The following GPRIN1 variants were observed in gnomAD, a reference collection of about 807,000 sequenced individuals.
GPRIN1 encodes the protein G protein-regulated inducer of neurite outgrowth 1.
GPRIN1 carries 4 observed loss-of-function variants against 2.8 expected under a neutral mutation model. The observed-to-expected ratio is 1.45, with a 90% CI of 0.71 to 3.32. GPRIN1 has a LOEUF of 3.32. Among genes scored for constraint, GPRIN1 ranks in the 30% most tolerant of loss-of-function variants. The pLI is 0.01. For synonymous variants in GPRIN1, 589 were observed against 589.9 expected (o/e 1.00, Z 0.02); for missense variants, 1,322 against 1,343.4 (o/e 0.98, Z 0.25).
At chr5:176,601,645 A>G (rs1759149244) in intron 1 of GPRIN1, among the ~76,000 whole-genome samples, 1 of 152,090 alleles carries the variant, frequency 6.6e-6, no homozygotes, top group Non-Finnish European at 1.5e-5. Flanking sequence ...AGCTGGGCCT[A>G]CAAGCAACCC....
At position 176,602,571 on chromosome 5, in the gene GPRIN1, C is replaced by T. The variant is rs193066700; in HGVS notation, c.-43-2694G>A. Among the ~76,000 whole-genome samples the T allele has an allele frequency of 6.6e-6, 1 of 152,190 alleles. No individual in the cohort carries two copies. The highest frequency in any genetic ancestry group is 1.9e-4 in the East Asian group (1 of 5,184). On this transcript the variant is annotated intron_variant, in intron 1 of 1. Transcript: ENST00000303991. The surrounding 1 kb of genome is among the most constrained non-coding windows in gnomAD (Gnocchi z 4.4). ...GGCTCAAAACCCTCCTCATTCTTGC[C>T]GGAAATGTAAATTAGTTGTAATCTT...
intron 1 of GPRIN1, among the ~76,000 whole-genome samples, chr5:176,604,266 G>A (rs545073161): frequency 1.8e-3 from 278 of 152,348 alleles, no homozygotes; most frequent in Non-Finnish European, 3.0e-3. Flanking sequence ...TACCATCTGA[G>A]CCAGCCATGA....
chr5:176,609,155 G>A (rs925152229), intron 1 of GPRIN1, among the ~76,000 whole-genome samples: 9 of 152,226 alleles, frequency 5.9e-5, no homozygotes, highest in Non-Finnish European at 1.0e-4. Context: ...CAGAGTGTGT[G>A]TGTAAGAGGG....
At position 176,605,851 on chromosome 5, in the gene GPRIN1, G is replaced by A. The variant is rs182644294; in HGVS notation, c.-44+4148C>T. On this transcript the variant is annotated intron_variant, in intron 1 of 1. Transcript: ENST00000303991. ...AGAGAGAGAAAGGGCCCAGGCTCCAGTGAGGGCCAGGATCTGCCTACCATG... is the reference window on the plus strand; with the variant it reads ...AGAGAGAGAAAGGGCCCAGGCTCCAATGAGGGCCAGGATCTGCCTACCATG... Among the ~76,000 whole-genome samples the A allele has an allele frequency of 8.5e-5, 13 of 152,238 alleles. No homozygotes were observed. In the East Asian group the frequency reaches 2.3e-3, roughly 27 times the overall value.
At position 176,599,659 on chromosome 5, in the gene GPRIN1, T is replaced by TGCCTGGGGGGTGC; in HGVS notation, c.163_175dup (p.His59ArgfsTer8). The TGCCTGGGGGGTGC allele has an allele frequency of 6.4e-7, 1 of 1,557,072 alleles. No homozygotes were observed. Among genetic ancestry groups the TGCCTGGGGGGTGC allele is most frequent in the African/African-American group, 1.4e-5 (1 of 72,880 alleles). On this transcript the variant is annotated frameshift_variant, in exon 2 of 2. Coordinates refer to ENST00000303991, the MANE Select transcript of GPRIN1 (RefSeq NM_052899.3). LOFTEE classifies it low-confidence loss of function (END_TRUNC). ...CATGCCTGGGCTTTGGTCAGGGGTGTGCCTGGGGGGTGCAGGGCTTGCCTT... is the reference window on the plus strand; with the variant it reads ...CATGCCTGGGCTTTGGTCAGGGGTGTGCCTGGGGGGTGCGCCTGGGGGGTGCAGGGCTTGCCTT...
chr5:176,607,743 T>G (rs1759242052), intron 1 of GPRIN1, among the ~76,000 whole-genome samples: 1 of 151,572 alleles, frequency 6.6e-6, no homozygotes, highest in Non-Finnish European at 1.5e-5. Context: ...GGGAGAAGAC[T>G]TGACCAAGGG....
rs748077164 is a variant in GPRIN1 at position 176,597,549 on chromosome 5, A to ACTGGAGGCCTCGGTG, written c.2271_2285dup (p.Thr758_Ser762dup). 6 of 1,555,386 alleles carry ACTGGAGGCCTCGGTG rather than the reference A, an allele frequency of 3.9e-6. No homozygotes were observed. The highest frequency in any genetic ancestry group is 2.6e-6 in the Non-Finnish European group (3 of 1,155,384). On this transcript the variant is annotated inframe_insertion, in exon 2 of 2. Coordinates refer to ENST00000303991, the MANE Select transcript of GPRIN1 (RefSeq NM_052899.3). The surrounding 1 kb of genome is among the most constrained non-coding windows in gnomAD (Gnocchi z 6.1). Reference sequence around the variant, plus strand: ...CGGCTTCCAGGTCTTTCTGGCCGAGACTGGAGGCCTCGGTGCTGGACACGG... The same window carrying ACTGGAGGCCTCGGTG: ...CGGCTTCCAGGTCTTTCTGGCCGAGACTGGAGGCCTCGGTGCTGGAGGCCTCGGTGCTGGACACGG...
At chr5:176,608,372 G>A (rs1759257079) in intron 1 of GPRIN1, among the ~76,000 whole-genome samples, 1 of 152,178 alleles carries the variant, frequency 6.6e-6, no homozygotes, top group South Asian at 2.1e-4. Flanking sequence ...CACACCCTAT[G>A]AGCAGATGAG....
intron 1 of GPRIN1, 44 bp from the exon 2 acceptor site, chr5:176,599,921 G>T (rs756591674): frequency 7.2e-6 from 9 of 1,243,938 alleles, no homozygotes; most frequent in Non-Finnish European, 9.4e-6. Flanking sequence ...AAAGCTCAGT[G>T]GGGGAGGAGA....
chr5:176,598,215 T>A lies in GPRIN1; in HGVS notation c.1620A>T (p.Ser540=), dbSNP rs779367172. The change falls in exon 2 of 2, where the codon TCA becomes TCT. Residue 540 remains serine (S), a synonymous_variant. Transcript: ENST00000303991. ...CCACCGCGAGGGGCTCGGCCTTCCC[T>A]GAGGCTGTGGGAGCCGCCTTTCCAG... is the stretch of plus-strand genomic sequence containing the variant. ...VASGKAAPTA[S]GKAEPLAVGK... is the part of the protein sequence containing the mutation. 1 of 1,612,590 alleles carries A rather than the reference T, an allele frequency of 6.2e-7. No individual in the cohort carries two copies. The highest frequency in any genetic ancestry group is 8.5e-7 in the Non-Finnish European group (1 of 1,179,944).
intron 1 of GPRIN1, 101 bp from the exon 2 acceptor site, chr5:176,599,978 C>T (rs556636440): frequency 1.4e-6 from 1 of 720,350 alleles, no homozygotes; most frequent in Non-Finnish European, 2.0e-6. Flanking sequence ...CCATCTGGTC[C>T]CCACCTGTCC....
chr5:176,597,018 C>T lies in GPRIN1; in HGVS notation c.2817G>A (p.Gln939=). 1 of 1,477,522 alleles carries T rather than the reference C, an allele frequency of 6.8e-7. No homozygotes were observed. Among genetic ancestry groups the T allele is most frequent in the Non-Finnish European group, 9.0e-7 (1 of 1,109,352 alleles). 91.5% of individuals were successfully genotyped at this position (1,477,522 alleles called of 1,614,324 possible). A position where few individuals can be genotyped will look rare whatever the true frequency, so the allele number is the denominator to read the frequency against. Residue 939 remains glutamine (Q), a synonymous_variant, in exon 2 of 2, where the codon CAG becomes CAA. Transcript: ENST00000303991. The surrounding 1 kb of genome is among the most constrained non-coding windows in gnomAD (Gnocchi z 6.1). ...MEVEVLGMAI[Q]KHLERQIEEH... ...CCTCGATCTGTCGCTCCAGATGCTT[C>T]TGGATGGCCATGCCCAGCACCTCCA...
Position 176,596,634 on chromosome 5 carries a change from G to A in GPRIN1, c.*174C>T, listed in dbSNP as rs1197932257. ...TGGCCACGAGGGAGCTTGGTAGAAG[G>A]GGTTCTTCTGTATTTGTGATGGGAG... is the stretch of plus-strand genomic sequence containing the variant. On this transcript the variant is annotated 3_prime_UTR_variant, in exon 2 of 2. Coordinates refer to ENST00000303991, the MANE Select transcript of GPRIN1 (RefSeq NM_052899.3). The surrounding 1 kb of genome is among the most constrained non-coding windows in gnomAD (Gnocchi z 5.2). 2.2e-6 allele frequency: 1 copy of A among 446,714 alleles called. No homozygotes were observed. Among genetic ancestry groups the A allele is most frequent in the Non-Finnish European group, 3.4e-6 (1 of 292,884 alleles). 27.7% of individuals were successfully genotyped at this position (446,714 alleles called of 1,614,324 possible).
Position 176,598,939 on chromosome 5 carries a change from G to A in GPRIN1, c.896C>T (p.Pro299Leu). The part of the protein sequence containing the change: ...RDPGPSGKAD[P>L]MPLESMDSAS... The stretch of plus-strand genomic sequence containing the variant: ...AGAATCCATGCTTTCCAAGGGCATG[G>A]GATCTGCCTTTCCCGAGGGCCCAGG... Residue 299 changes from proline (P) to leucine (L), a missense_variant, in exon 2 of 2, where the codon CCC becomes CTC. By Grantham distance (98) the Pro-to-Leu change is moderately conservative. This residue lies in a region of GPRIN1 where 1,117 missense variants were observed against 1,128.6 expected (regional missense o/e 0.99). Coordinates refer to ENST00000303991, the MANE Select transcript of GPRIN1 (RefSeq NM_052899.3). 6.2e-7 allele frequency: 1 copy of A among 1,614,090 alleles called. No homozygotes were observed. Among genetic ancestry groups the A allele is most frequent in the Non-Finnish European group, 8.5e-7 (1 of 1,179,940 alleles).
chr5:176,606,844 G>T (rs1262366398), intron 1 of GPRIN1, among the ~76,000 whole-genome samples: 1 of 152,226 alleles, frequency 6.6e-6, no homozygotes, highest in Admixed American at 6.5e-5. Flanking sequence ...TTGTAGTCCT[G>T]TTTTCCAGAG....
chr5:176,608,370 A>G (rs542476175), intron 1 of GPRIN1, among the ~76,000 whole-genome samples: 1 of 152,200 alleles, frequency 6.6e-6, no homozygotes, highest in East Asian at 1.9e-4. Context: ...CACACACCCT[A>G]TGAGCAGATG....
rs1759020547 is a variant in GPRIN1 at position 176,595,843 on chromosome 5, G to C, written c.*965C>G. The C allele has an allele frequency of 1.6e-6, 1 of 641,512 alleles. No individual in the cohort carries two copies. Among genetic ancestry groups the C allele is most frequent in the African/African-American group, 1.9e-5 (1 of 53,130 alleles). 39.7% of individuals were successfully genotyped at this position (641,512 alleles called of 1,614,324 possible). ...TTACCAATGTATACTGTGACAGTTT[G>C]TAGCCAAAAACTGCGGCTGGAGGGG... On this transcript the variant is annotated 3_prime_UTR_variant, in exon 2 of 2. Coordinates refer to ENST00000303991, the MANE Select transcript of GPRIN1 (RefSeq NM_052899.3).
Position 176,596,761 on chromosome 5 carries a change from G to T in GPRIN1, c.*47C>A. ...CCTTCTAGGGGCCTGTGATCAAGAA[G>T]GGAGCCTGAGAAGGTCGGAAACTCG... On this transcript the variant is annotated 3_prime_UTR_variant, in exon 2 of 2. Transcript: ENST00000303991. This position sits in a 1 kb window ranked among gnomAD's most constrained non-coding sequence, Gnocchi z 5.2. 1.5e-6 allele frequency: 2 copies of T among 1,375,872 alleles called. No homozygotes were observed. Among genetic ancestry groups the T allele is most frequent in the African/African-American group, 1.5e-5 (1 of 66,728 alleles). The allele number at this position is 1,375,872 out of a possible 1,614,324, so 85.2% of individuals were successfully genotyped here.
chr5:176,599,577 G>T lies in GPRIN1; in HGVS notation c.258C>A (p.Gly86=), dbSNP rs761716186. Residue 86 remains glycine, a synonymous_variant, in exon 2 of 2, where the codon GGC becomes GGA. Transcript: ENST00000303991. ...GAGEGASCSD[G]PRGSLACPSP... is the part of the protein sequence containing the mutation. Reference sequence around the variant, plus strand: ...AGGGGCAGGCCAGGCTCCCTCTGGGGCCGTCAGAGCAGGAGGCCCCTTCCC... The same window carrying T: ...AGGGGCAGGCCAGGCTCCCTCTGGGTCCGTCAGAGCAGGAGGCCCCTTCCC... The T allele has an allele frequency of 6.4e-7, 1 of 1,562,950 alleles. No homozygotes were observed. The highest frequency in any genetic ancestry group is 2.2e-5 in the East Asian group (1 of 44,498).
Sources: allele counts gnomAD v4.1 joint callset (sites outside exome capture counted in the v4.1 genomes callset), GRCh38; gene constraint gnomAD v4.1.1; regional missense constraint gnomAD v4.1.1; non-coding constraint Gnocchi (gnomAD v3.1); transcripts MANE v1.5; gene names NCBI Gene and HGNC (gene_info 2026-07-23, HGNC 2026-07-21).